Variants in TK2 observed in about 807,000 individuals in gnomAD.
TK2 encodes thymidine kinase 2.
In TK2, 35 loss-of-function variants were observed where a neutral mutation model predicts 41.9. The ratio of observed to expected loss-of-function variants is 0.84; its 90% CI spans 0.64 to 1.11. TK2 has a LOEUF of 1.11. Among genes scored for constraint, TK2 ranks in the 50% least tolerant of loss-of-function variants. The probability of loss-of-function intolerance (pLI) is 0.00; values close to 1 mark genes in which losing one functional copy is unlikely to be tolerated. For missense variants in TK2, 320 were observed against 351.1 expected (o/e 0.91, Z 0.71); for synonymous variants, 128 against 129.1 (o/e 0.99, Z 0.06).
chr16:66,530,549 C>A (rs1211850850), intron 5 of TK2, among the ~76,000 whole-genome samples: 1 of 152,130 alleles, frequency 6.6e-6, no homozygotes, highest in Non-Finnish European at 1.5e-5. Context: ...AGAATTTGAA[C>A]TAAGAGCCAG....
intron 3 of TK2, among the ~76,000 whole-genome samples, chr16:66,538,210 C>A (rs1182875438): frequency 2.0e-5 from 3 of 152,106 alleles, no homozygotes; most frequent in African/African-American, 7.2e-5. Context: ...CTCCTGACCT[C>A]AAGTGATCCA....
intron 3 of TK2, among the ~76,000 whole-genome samples, chr16:66,541,387 T>A (rs59987317): frequency 6.6e-6 from 1 of 152,160 alleles, no homozygotes; most frequent in Non-Finnish European, 1.5e-5. Flanking sequence ...ACATTTGGCA[T>A]ATGTTATGTG....
At chr16:66,523,833 AAAAAAACAAAAAAC>A (rs940780661) in intron 6 of TK2, among the ~76,000 whole-genome samples, 1 of 152,102 alleles carries the variant, frequency 6.6e-6, no homozygotes, top group African/African-American at 2.4e-5. Context: ...TCTCAAAATC[AAAAAAACAAAAAAC>A]AAAAAACAAA....
At chr16:66,520,296 C>T (rs977033103) in intron 6 of TK2, among the ~76,000 whole-genome samples, 2 of 152,130 alleles carry the variant, frequency 1.3e-5, no homozygotes, top group African/African-American at 4.8e-5. Flanking sequence ...GCCTCCTCTC[C>T]GCTTACCTCC....
At chr16:66,544,393 A>C (rs2144472012) in intron 2 of TK2, among the ~76,000 whole-genome samples, 1 of 152,376 alleles carries the variant, frequency 6.6e-6, no homozygotes, top group East Asian at 1.9e-4. Context: ...ATACTAAGAG[A>C]TAAACCCCAT....
chr16:66,546,911 C>G (rs1423549187), intron 2 of TK2, among the ~76,000 whole-genome samples: 1 of 151,916 alleles, frequency 6.6e-6, no homozygotes, highest in African/African-American at 2.4e-5. Context: ...GCCACCATGC[C>G]CAGCTAATTT....
intron 6 of TK2, among the ~76,000 whole-genome samples, chr16:66,528,481 G>A (rs1323739256): frequency 6.6e-6 from 1 of 152,246 alleles, no homozygotes; most frequent in African/African-American, 2.4e-5. Context: ...ACCATGCTGT[G>A]TAACTCACTG....
At chr16:66,525,587 T>C (rs1049287384) in intron 6 of TK2, among the ~76,000 whole-genome samples, 2 of 152,148 alleles carry the variant, frequency 1.3e-5, no homozygotes, top group African/African-American at 4.8e-5. Flanking sequence ...CTCATCTCTC[T>C]GGAGACCATG....
At chr16:66,537,154 G>T in intron 3 of TK2, 137 bp from the exon 4 acceptor site, 1 of 1,000,244 alleles carries the variant, frequency 1.0e-6, no homozygotes, top group Non-Finnish European at 1.5e-6. Context: ...CCCAAGGTAG[G>T]CCAAAATAGC....
At chr16:66,528,857 T>C in intron 6 of TK2, 137 bp downstream of exon 6, 1 of 825,160 alleles carries the variant, frequency 1.2e-6, no homozygotes, top group Non-Finnish European at 2.0e-6. Flanking sequence ...TGGCTGTTTG[T>C]TACACCGCAT....
At chr16:66,519,432 G>C (rs1964715166) in intron 6 of TK2, among the ~76,000 whole-genome samples, 1 of 152,114 alleles carries the variant, frequency 6.6e-6, no homozygotes, top group South Asian at 2.1e-4. Flanking sequence ...ACCCGCCTCG[G>C]CCTCCCAAAG....
intron 6 of TK2, among the ~76,000 whole-genome samples, chr16:66,522,605 G>A (rs113632125): frequency 2.0e-5 from 3 of 152,306 alleles, no homozygotes; most frequent in African/African-American, 4.8e-5. Context: ...AATGGCTAAC[G>A]CCTGTAATCC....
chr16:66,550,183 C>T, upstream of TK2: 1 of 1,612,310 alleles, frequency 6.2e-7, no homozygotes, highest in South Asian at 1.1e-5. Context: ...GAGACCCGGT[C>T]GCATTTCATC....
rs146963943 is a variant in TK2 at position 66,517,178 on chromosome 16, C to T, written c.576G>A (p.Arg192=). The T allele has an allele frequency of 3.3e-4, 538 of 1,614,092 alleles. 1 individual carries two copies. The highest frequency in any genetic ancestry group is 8.5e-4 in the Admixed American group (51 of 60,006). The change falls in exon 8 of 10, where the codon AGG becomes AGA. Residue 192 remains arginine, a synonymous_variant. Transcript: ENST00000544898. The surrounding 1 kb of genome is among the most constrained non-coding windows in gnomAD (Gnocchi z 4.3). Reference sequence around the variant, plus strand: ...CCTCTTCCCTGCATCTCTTCTTTAACCTCTGGTAACAAGTCTCAGGATTGG... The same window carrying T: ...CCTCTTCCCTGCATCTCTTCTTTAATCTCTGGTAACAAGTCTCAGGATTGG... The part of the protein sequence containing the change: ...LRTNPETCYQ[R]LKKRCREEEK...
Position 66,529,061 on chromosome 16 carries a change from A to G in TK2, c.382T>C (p.Ser128Pro), listed in dbSNP as rs1597091805. Residue 128 changes from serine (S) to proline (P), a missense_variant, in exon 6 of 10, where the codon TCT becomes CCT. Transcript: ENST00000544898. ...LDRHTRPQVS[S>P]VRLMERSIHS... Reference sequence around the variant, plus strand: ...ATCGACCTCTCCATCAACCGTACAGATGACACCTAAAGGAAAACAAAAAGA... The same window carrying G: ...ATCGACCTCTCCATCAACCGTACAGGTGACACCTAAAGGAAAACAAAAAGA... The G allele has an allele frequency of 1.2e-6, 2 of 1,614,062 alleles. No homozygotes were observed. The highest frequency in any genetic ancestry group is 2.2e-5 in the East Asian group (1 of 44,884).
chr16:66,521,694 G>T (rs1224568952), intron 6 of TK2, among the ~76,000 whole-genome samples: 1 of 152,186 alleles, frequency 6.6e-6, no homozygotes, highest in East Asian at 1.9e-4. Flanking sequence ...CTCCTCCTGT[G>T]TCTGTCTCAA....
rs146021820 is a variant in TK2 at position 66,525,123 on chromosome 16, C to T, written c.449+3871G>A. ...CTGTCCATGGGTCCCTGCCCTGTTC[C>T]TTAACCATGAGAGCAGATGCCCCCG... On this transcript the variant is annotated intron_variant, in intron 6 of 9. Transcript: ENST00000544898. Among the ~76,000 whole-genome samples, 734 of 152,322 alleles carry T rather than the reference C, an allele frequency of 4.8e-3. 1 individual carries two copies. The highest frequency in any genetic ancestry group is 8.9e-3 in the Non-Finnish European group (607 of 68,028).
chr16:66,542,681 G>A (rs758283060), intron 2 of TK2, among the ~76,000 whole-genome samples: 2 of 152,112 alleles, frequency 1.3e-5, no homozygotes, highest in Admixed American at 1.3e-4. Flanking sequence ...ACAGCCTTCT[G>A]GGTCTACCTA....
Position 66,511,948 on chromosome 16 carries a change from A to G in TK2, c.*20T>C, listed in dbSNP as rs1053360406. 6.2e-7 allele frequency: 1 copy of G among 1,609,758 alleles called. No homozygotes were observed. The highest frequency in any genetic ancestry group is 8.5e-7 in the Non-Finnish European group (1 of 1,176,132). On this transcript the variant is annotated 3_prime_UTR_variant, in exon 10 of 10. Coordinates refer to ENST00000544898, the MANE Select transcript of TK2 (RefSeq NM_004614.5). ...CAGCAGCAGGCATTTTTCAGACATG[A>G]GCCATAGACCTTTTGCCTCCTATGG...
Sources: allele counts gnomAD v4.1 joint callset (sites outside exome capture counted in the v4.1 genomes callset), GRCh38; gene constraint gnomAD v4.1.1; non-coding constraint Gnocchi (gnomAD v3.1); transcripts MANE v1.5; gene names NCBI Gene and HGNC (gene_info 2026-07-23, HGNC 2026-07-21).